The following TTN variants were observed in gnomAD, a reference collection of about 807,000 sequenced individuals.
TTN encodes the protein titin.
TTN carries 1,525 observed loss-of-function variants against 3,223.0 expected under a neutral mutation model. The observed-to-expected ratio is 0.47, with a 90% CI of 0.45 to 0.49. TTN has a LOEUF of 0.49. Ranked by LOEUF, TTN falls within the 20% of genes least tolerant of loss-of-function variation. The pLI, the probability that TTN is intolerant of heterozygous loss-of-function variation, is 0.00. For missense variants in TTN, 40,786 were observed against 43,424.0 expected (o/e 0.94, Z 5.40); for synonymous variants, 14,094 against 15,161.0 (o/e 0.93, Z 5.17).
In TTN at chr2:178,633,222, A is replaced by C. The variant is rs794729430; in HGVS notation, c.43051T>G (p.Trp14351Gly). 6.2e-7 allele frequency: 1 copy of C among 1,613,090 alleles called. No individual in the cohort carries two copies. The highest frequency in any genetic ancestry group is 8.5e-7 in the Non-Finnish European group (1 of 1,179,450). ...GTCAAAGGCTGTCCTTTCAGCTTCC[A>C]CTGGCCGTGAACATCAGGTTCAGAA... Reference protein sequence around the residue: ...ELSEPDVHGQWKLKGQPLTAS... With the variant: ...ELSEPDVHGQGKLKGQPLTAS... Residue 14351 changes from tryptophan (W) to glycine (G), a missense_variant, in exon 233 of 363, where the codon TGG (tryptophan) becomes GGG (glycine). Coordinates refer to ENST00000589042, the MANE Select transcript of TTN (RefSeq NM_001267550.2).
At position 178,560,120 on chromosome 2, in the gene TTN, G is replaced by T. The variant is rs751444096; in HGVS notation, c.86012C>A (p.Ala28671Asp). The part of the protein sequence containing the change: ...VDSGKTTITI[A>D]WVKPLFDGGA... Reference sequence around the variant, plus strand: ...ACCATCAAACAGCGGCTTAACCCAGGCAATAGTTATAGTTGTCTTGCCTGA... The same window carrying T: ...ACCATCAAACAGCGGCTTAACCCAGTCAATAGTTATAGTTGTCTTGCCTGA... The change falls in exon 326 of 363, where the codon GCC (alanine) becomes GAC (aspartate). Residue 28671 changes from alanine to aspartate, a missense_variant. Coordinates refer to ENST00000589042, the MANE Select transcript of TTN (RefSeq NM_001267550.2). 6.2e-6 allele frequency: 10 copies of T among 1,613,682 alleles called. No individual in the cohort carries two copies. Among genetic ancestry groups the T allele is most frequent in the South Asian group, 2.2e-5 (2 of 91,064 alleles).
At position 178,684,069 on chromosome 2, in the gene TTN, C is replaced by T. The variant is rs368838709; in HGVS notation, c.32736G>A (p.Pro10912=). 2.8e-5 allele frequency: 45 copies of T among 1,611,428 alleles called. No homozygotes were observed. The highest frequency in any genetic ancestry group is 6.7e-5 in the East Asian group (3 of 44,820). ...CTTTTTCTTCTGGGACAGCTCTCTT[C>T]GGTTCCTCTGGCACTTTAAAGAGAG... ...APPKARVPEE[P]KRAVPEEKVL... Residue 10912 remains proline, a synonymous_variant, in exon 133 of 363, where the codon CCG becomes CCA. Coordinates refer to ENST00000589042, the MANE Select transcript of TTN (RefSeq NM_001267550.2).
At chr2:178,546,138 G>A in intron 342 of TTN, 22 bp from the exon 343 acceptor site, 1 of 1,590,790 alleles carries the variant, frequency 6.3e-7, no homozygotes, top group Non-Finnish European at 8.6e-7. Context: ...GTAATGACAA[G>A]CCATGATGAA....
At chr2:178,792,046 C>G (rs560159044) in intron 10 of TTN, 26 bp downstream of exon 10, 2 of 1,608,666 alleles carry the variant, frequency 1.2e-6, no homozygotes, top group East Asian at 4.5e-5. Context: ...CAACAAACTA[C>G]AAAATATTTA....
At position 178,562,786 on chromosome 2, in the gene TTN, T is replaced by G; in HGVS notation, c.83346A>C (p.Ser27782=). Residue 27782 remains serine, a synonymous_variant, in exon 326 of 363, where the codon TCA becomes TCC. Transcript: ENST00000589042. ...GTGGTGGTTCCCAGGACAACGTCAC[T>G]GAGTCTTTCTTCACTTCTCTTATGG... is the stretch of plus-strand genomic sequence containing the variant. ...NLTIREVKKD[S]VTLSWEPPLI... is the part of the protein sequence containing the mutation. 1 of 1,613,364 alleles carries G rather than the reference T, an allele frequency of 6.2e-7. No individual in the cohort carries two copies. The highest frequency in any genetic ancestry group is 8.5e-7 in the Non-Finnish European group (1 of 1,179,640).
chr2:178,704,061 T>C, intron 106 of TTN, 86 bp downstream of exon 106: 1 of 1,516,968 alleles, frequency 6.6e-7, no homozygotes, highest in Non-Finnish European at 8.9e-7. Context: ...TTGGTGTGTG[T>C]CTACAGGTAG....
Position 178,759,096 on chromosome 2 carries a change from G to T in TTN, c.10191C>A (p.Asp3397Glu), listed in dbSNP as rs773862320. ...CTTCGGCAATTTCCAGTTGATAAGT[G>T]TCTTCAAATTGAGTCATTCTAAAGA... is the stretch of plus-strand genomic sequence containing the variant. Reference protein sequence around the residue: ...SRFFRMTQFEDTYQLEIAEAY... With the variant: ...SRFFRMTQFEETYQLEIAEAY... Residue 3397 changes from aspartate (D) to glutamate (E), a missense_variant, in exon 44 of 363, where the codon GAC (aspartate) becomes GAA (glutamate). By Grantham distance (45) the Asp-to-Glu change is conservative. Transcript: ENST00000589042. The T allele has an allele frequency of 5.6e-6, 9 of 1,613,936 alleles. No homozygotes were observed. In the South Asian group the frequency reaches 6.6e-5, roughly 12 times the overall value.
chr2:178,549,413 A>C lies in TTN; in HGVS notation c.92213T>G (p.Leu30738Arg). 2.5e-6 allele frequency: 4 copies of C among 1,613,206 alleles called. No homozygotes were observed. The highest frequency in any genetic ancestry group is 3.4e-6 in the Non-Finnish European group (4 of 1,179,290). The change falls in exon 339 of 363, where the codon CTG becomes CGG. Residue 30738 changes from leucine (L) to arginine (R), a missense_variant. Transcript: ENST00000589042. Reference protein sequence around the residue: ...PSNITGNSITLTWARPESDGG... With the variant: ...PSNITGNSITRTWARPESDGG... ...ATCTGATTCTGGCCTTGCCCATGTC[A>C]GGGTAATGCTGTTGCCTGTTATGTT...
chr2:178,597,422 T>C lies in TTN; in HGVS notation c.57544+116A>G, dbSNP rs766833169. On this transcript the variant is annotated intron_variant, in intron 294 of 362. Coordinates refer to ENST00000589042, the MANE Select transcript of TTN (RefSeq NM_001267550.2). ...ATTCTAATAATGTTCAACATGATTA[T>C]GGGTGATTTTTCTTATTTTCCAAAA... 2.8e-5 allele frequency: 34 copies of C among 1,200,454 alleles called. No homozygotes were observed. The Middle Eastern group carries it at 1.1e-3, about 39-fold the overall frequency. 74.4% of individuals were successfully genotyped at this position (1,200,454 alleles called of 1,614,324 possible).
At position 178,632,521 on chromosome 2, in the gene TTN, T is replaced by C; in HGVS notation, c.43480+5A>G. The C allele has an allele frequency of 1.2e-6, 2 of 1,611,720 alleles. No homozygotes were observed. The highest frequency in any genetic ancestry group is 1.7e-6 in the Non-Finnish European group (2 of 1,179,228). On this transcript the variant is annotated splice_donor_5th_base_variant and intron_variant, in intron 235 of 362. Transcript: ENST00000589042. The stretch of plus-strand genomic sequence containing the variant: ...TGGGGTGGACTATTTGATAAAACTA[T>C]TTACCTTCAATGATCAGTTTGCCAC...
chr2:178,698,099 G>A (rs1250517516), intron 112 of TTN, among the ~76,000 whole-genome samples: 1 of 152,174 alleles, frequency 6.6e-6, no homozygotes, highest in African/African-American at 2.4e-5. Context: ...GTGACAACAT[G>A]GATAGAACTG....
chr2:178,751,222 T>C, intron 47 of TTN: 1 of 1,610,048 alleles, frequency 6.2e-7, no homozygotes, highest in Non-Finnish European at 8.5e-7. Flanking sequence ...TTGAGCTTAT[T>C]TCAGAAGACG....
chr2:178,646,028 G>C lies in TTN; in HGVS notation c.40300C>G (p.Pro13434Ala). The part of the protein sequence containing the change: ...PQPEEIPVKE[P>A]EPEKVIEKPK... ...TTCTCAATAACCTTTTCAGGTTCAGGTTCTTGAAAGAGTATTTCAGAGGTG... is the reference window on the plus strand; with the variant it reads ...TTCTCAATAACCTTTTCAGGTTCAGCTTCTTGAAAGAGTATTTCAGAGGTG... The change falls in exon 217 of 363, where the codon CCT (proline) becomes GCT (alanine). Residue 13434 changes from proline to alanine, a missense_variant and splice_region_variant. By Grantham distance (27) the Pro-to-Ala change is conservative. Coordinates refer to ENST00000589042, the MANE Select transcript of TTN (RefSeq NM_001267550.2). 1 of 1,537,650 alleles carries C rather than the reference G, an allele frequency of 6.5e-7. No individual in the cohort carries two copies. Among genetic ancestry groups the C allele is most frequent in the South Asian group, 1.3e-5 (1 of 76,930 alleles).
At position 178,776,728 on chromosome 2, in the gene TTN, T is replaced by C. The variant is rs759011676; in HGVS notation, c.5136A>G (p.Leu1712=). 4 of 1,614,090 alleles carry C rather than the reference T, an allele frequency of 2.5e-6. No homozygotes were observed. The highest frequency in any genetic ancestry group is 2.2e-5 in the South Asian group (2 of 91,080). Residue 1712 remains leucine, a synonymous_variant, in exon 28 of 363, where the codon TTA becomes TTG. Transcript: ENST00000589042. ...KPFFKKKLTS[L]RLKRFGPAHF... is the part of the protein sequence containing the mutation. ...GGGCAGGCCCAAAGCGCTTAAGTCT[T>C]AAGGAAGTGAGTTTTTTCTTGAAAA... is the stretch of plus-strand genomic sequence containing the variant.
chr2:178,637,168 T>C (rs2060569080), intron 224 of TTN, among the ~76,000 whole-genome samples: 1 of 127,062 alleles, frequency 7.9e-6, no homozygotes, highest in East Asian at 2.3e-4. Context: ...TATATATATA[T>C]ATATATATAT....
In TTN at chr2:178,567,134, G is replaced by A; in HGVS notation, c.78998C>T (p.Ala26333Val). The change falls in exon 326 of 363, where the codon GCC becomes GTC. Residue 26333 changes from alanine (A) to valine (V), a missense_variant. Physicochemically the swap from Ala to Val is moderately conservative, Grantham distance 64. Transcript: ENST00000589042. Reference protein sequence around the residue: ...VVEKRETSRLAWTVVASEVVT... With the variant: ...VVEKRETSRLVWTVVASEVVT... ...AACTTCTGAAGCAACAACAGTCCAG[G>A]CAAGTCGACTGGTTTCTCGCTTTTC... The A allele has an allele frequency of 6.2e-7, 1 of 1,613,510 alleles. No individual in the cohort carries two copies. The highest frequency in any genetic ancestry group is 8.5e-7 in the Non-Finnish European group (1 of 1,179,598).
chr2:178,546,916 T>C lies in TTN; in HGVS notation c.94523-11A>G. 1 of 1,573,074 alleles carries C rather than the reference T, an allele frequency of 6.4e-7. No homozygotes were observed. Among genetic ancestry groups the C allele is most frequent in the Non-Finnish European group, 8.6e-7 (1 of 1,158,054 alleles). On this transcript the variant is annotated splice_polypyrimidine_tract_variant and intron_variant, in intron 340 of 362. Transcript: ENST00000589042. ...GTCTGCCTGGTGCATCTGGAAGGGA[T>C]GCAAAAATAAGGTTAAAATATACCA... is the stretch of plus-strand genomic sequence containing the variant.
rs1283070007 is a variant in TTN, at chr2:178,688,125, AC to A, written c.32296del (p.Val10766LeufsTer6). The A allele has an allele frequency of 1.2e-6, 2 of 1,612,486 alleles. No homozygotes were observed. The highest frequency in any genetic ancestry group is 1.7e-5 in the Admixed American group (1 of 60,004). On this transcript the variant is annotated frameshift_variant, in exon 127 of 363. Coordinates refer to ENST00000589042, the MANE Select transcript of TTN (RefSeq NM_001267550.2). LOFTEE classifies it high-confidence loss of function. ...GCATTGTTTACCTTCATATTCTGTAACCTCTGCTTCTTCCTCCTCCTCTCTT... is the reference window on the plus strand; with the variant it reads ...GCATTGTTTACCTTCATATTCTGTAACTCTGCTTCTTCCTCCTCCTCTCTT... Reference protein sequence around the residue: ...EEREEEEEAEVTEYEVMEEPE... With the variant: ...EEREEEEEAEXTEYEVMEEPE...
intron 71 of TTN, chr2:178,724,828 C>T (rs1476816655): frequency 2.2e-5 from 6 of 269,782 alleles, no homozygotes; most frequent in African/African-American, 4.4e-5. Flanking sequence ...CATGACTCAA[C>T]TTCAAAACAA....
Sources: gnomAD v4.1 joint callset for allele counts (sites outside exome capture counted in the v4.1 genomes callset) on GRCh38, gnomAD v4.1.1 for gene constraint, MANE v1.5 for transcripts, NCBI Gene and HGNC (gene_info 2026-07-23, HGNC 2026-07-21) for gene names.